Variants in ANKRD12 observed in about 807,000 individuals in gnomAD.
ANKRD12 encodes ankyrin repeat domain-containing protein 12.
ANKRD12 carries 85 observed loss-of-function variants against 183.4 expected under a neutral mutation model. The observed-to-expected ratio is 0.46, with a 90% confidence interval of 0.39 to 0.56. The LOEUF (loss-of-function observed/expected upper bound fraction) is 0.56, where lower values mean the gene tolerates loss of function less well. ANKRD12 is among the 20% of genes least tolerant of loss of function. The pLI, the probability that ANKRD12 is intolerant of heterozygous loss-of-function variation, is 0.00. For missense variants in ANKRD12, 2,405 were observed against 2,357.1 expected (o/e 1.02, Z -0.42); for synonymous variants, 914 against 800.2 (o/e 1.14, Z -2.40).
At chr18:9,240,462 A>C (rs529685455) in intron 8 of ANKRD12, among the ~76,000 whole-genome samples, 1 of 152,228 alleles carries the variant, frequency 6.6e-6, no homozygotes, top group Non-Finnish European at 1.5e-5. Flanking sequence ...CATAAACCAT[A>C]ATCGTGGAAA....
At chr18:9,219,664 G>A (rs998171) in intron 7 of ANKRD12, among the ~76,000 whole-genome samples, 118,791 of 151,584 alleles carry the variant, frequency 0.78, 46,762 homozygotes, top group Middle Eastern at 0.88. Flanking sequence ...GGCAGACCAG[G>A]TTGGCCCGTA....
chr18:9,241,820 C>G (rs976365332), intron 8 of ANKRD12, among the ~76,000 whole-genome samples: 2 of 151,458 alleles, frequency 1.3e-5, no homozygotes, highest in African/African-American at 4.9e-5. Context: ...CTTAAGCAAA[C>G]AGAACACATA....
chr18:9,138,128 T>C (rs1450661806), intron 1 of ANKRD12, among the ~76,000 whole-genome samples: 1 of 152,264 alleles, frequency 6.6e-6, no homozygotes, highest in Non-Finnish European at 1.5e-5. Context: ...TCTGCAGTCA[T>C]GTATTTCGTT....
chr18:9,238,497 T>A (rs1462401513), intron 8 of ANKRD12, among the ~76,000 whole-genome samples: 2 of 152,206 alleles, frequency 1.3e-5, no homozygotes, highest in African/African-American at 4.8e-5. Context: ...GTGTTCTATC[T>A]TAATTAGTGT....
chr18:9,156,721 T>C (rs532592715), intron 1 of ANKRD12, among the ~76,000 whole-genome samples: 2 of 152,290 alleles, frequency 1.3e-5, no homozygotes, highest in Admixed American at 6.5e-5. Flanking sequence ...AACAGCCCAA[T>C]ATCCACTCAG....
At chr18:9,156,168 T>A (rs929351730) in intron 1 of ANKRD12, among the ~76,000 whole-genome samples, 1 of 151,470 alleles carries the variant, frequency 6.6e-6, no homozygotes, top group Admixed American at 6.6e-5. Context: ...AAAAGACTTT[T>A]GACTTTTATG....
chr18:9,138,948 G>A (rs1450775647), intron 1 of ANKRD12, among the ~76,000 whole-genome samples: 1 of 152,198 alleles, frequency 6.6e-6, no homozygotes, highest in Non-Finnish European at 1.5e-5. Flanking sequence ...GACAGATGAG[G>A]TGTTAAAATG....
intron 10 of ANKRD12, among the ~76,000 whole-genome samples, chr18:9,267,789 A>G (rs1328297540): frequency 3.1e-4 from 46 of 146,322 alleles, no homozygotes; most frequent in Admixed American, 4.1e-4. Flanking sequence ...AACTGAAGGA[A>G]ATAGAGACAC....
At chr18:9,171,017 G>A (rs901246668) in intron 1 of ANKRD12, among the ~76,000 whole-genome samples, 6 of 152,140 alleles carry the variant, frequency 3.9e-5, no homozygotes, top group Admixed American at 1.3e-4. Context: ...CTGCAGAAGC[G>A]CAGATGTTGG....
chr18:9,205,075 G>C (rs1015018843), intron 4 of ANKRD12, among the ~76,000 whole-genome samples: 2 of 152,118 alleles, frequency 1.3e-5, no homozygotes, highest in African/African-American at 4.8e-5. Flanking sequence ...TAAAATACCA[G>C]GTTACCTAGA....
intron 5 of ANKRD12, 113 bp from the exon 6 acceptor site, chr18:9,211,471 T>A: frequency 1.1e-6 from 1 of 919,736 alleles, no homozygotes; most frequent in South Asian, 1.7e-5. Context: ...GTTGTTAGGG[T>A]GAGAAGGCAT....
intron 1 of ANKRD12, among the ~76,000 whole-genome samples, chr18:9,178,380 G>A (rs1025896434): frequency 2.6e-5 from 4 of 151,698 alleles, no homozygotes; most frequent in South Asian, 2.1e-4. Flanking sequence ...TTCCAAGACC[G>A]TTTATTGAAA....
chr18:9,189,501 A>C (rs747394226), intron 2 of ANKRD12, among the ~76,000 whole-genome samples: 1 of 152,184 alleles, frequency 6.6e-6, no homozygotes, highest in Non-Finnish European at 1.5e-5. Flanking sequence ...AAAAGATACC[A>C]TGTAGGACTT....
In ANKRD12 at chr18:9,257,154, T is replaced by G; in HGVS notation, c.3887T>G (p.Leu1296Arg). The G allele has an allele frequency of 6.2e-7, 1 of 1,614,140 alleles. No individual in the cohort carries two copies. Among genetic ancestry groups the G allele is most frequent in the Non-Finnish European group, 8.5e-7 (1 of 1,179,996 alleles). ...LRSSSVEDVK[L>R]IISEGRPTIE... ...TCATCTTCTGTAGAAGATGTTAAAC[T>G]AATTATAAGCGAGGGGAGACCTACC... is the stretch of plus-strand genomic sequence containing the variant. The change falls in exon 9 of 13, where the codon CTA (leucine) becomes CGA (arginine). Residue 1296 changes from leucine (L) to arginine (R), a missense_variant. Leu to Arg is a moderately radical substitution (Grantham distance 102). Coordinates refer to ENST00000262126, the MANE Select transcript of ANKRD12 (RefSeq NM_015208.5).
In ANKRD12 at chr18:9,204,484, C is replaced by A. The variant is rs761378077; in HGVS notation, c.244C>A (p.Pro82Thr). Residue 82 changes from proline (P) to threonine (T), a missense_variant, in exon 4 of 13, where the codon CCA (proline) becomes ACA (threonine). By Grantham distance (38) the Pro-to-Thr change is conservative. Transcript: ENST00000262126. ...EERDSDTDSDPGHTSENWGER... is the reference protein window; with the variant it reads ...EERDSDTDSDTGHTSENWGER... Reference sequence around the variant, plus strand: ...CTCTTCTCATTCTGTAGATTCAGATCCAGGACATACAAGTGAAAATTGGGG... The same window carrying A: ...CTCTTCTCATTCTGTAGATTCAGATACAGGACATACAAGTGAAAATTGGGG... 6.2e-7 allele frequency: 1 copy of A among 1,600,050 alleles called. No individual in the cohort carries two copies. The highest frequency in any genetic ancestry group is 8.5e-7 in the Non-Finnish European group (1 of 1,169,860).
At chr18:9,207,230 G>A (rs896894187) in intron 4 of ANKRD12, among the ~76,000 whole-genome samples, 5 of 152,102 alleles carry the variant, frequency 3.3e-5, no homozygotes, top group African/African-American at 1.2e-4. Flanking sequence ...TGCAGCGTAA[G>A]TTAGGAAAAG....
intron 1 of ANKRD12, among the ~76,000 whole-genome samples, chr18:9,179,772 C>T (rs1212850996): frequency 1.3e-5 from 2 of 152,214 alleles, no homozygotes; most frequent in Non-Finnish European, 2.9e-5. Context: ...CCCACCTTGG[C>T]CTCCCAAAGT....
chr18:9,184,541 C>T (rs890176276), intron 2 of ANKRD12, among the ~76,000 whole-genome samples: 15 of 152,046 alleles, frequency 9.9e-5, no homozygotes, highest in African/African-American at 3.6e-4. Flanking sequence ...CGCAGGTGCA[C>T]ACCACTATGC....
chr18:9,259,136 C>T (rs539500978), intron 9 of ANKRD12, among the ~76,000 whole-genome samples: 5 of 152,010 alleles, frequency 3.3e-5, no homozygotes, highest in Non-Finnish European at 5.9e-5. Context: ...AAATTTTAGC[C>T]GAAATAATAT....
Sources: gnomAD v4.1 joint callset for allele counts (sites outside exome capture counted in the v4.1 genomes callset) on GRCh38, gnomAD v4.1.1 for gene constraint, MANE v1.5 for transcripts, NCBI Gene and HGNC (gene_info 2026-07-23, HGNC 2026-07-21) for gene names.